DMD: variants seen among roughly 807,000 people sequenced by gnomAD.
DMD encodes dystrophin.
DMD carries 63 observed loss-of-function variants against 330.1 expected under a neutral mutation model. That is an observed-to-expected ratio of 0.19 (90% confidence interval 0.16 to 0.24). The LOEUF (loss-of-function observed/expected upper bound fraction) is 0.24. Ranked by LOEUF, DMD falls within the 10% of genes least tolerant of loss-of-function variation. The pLI is 1.00. For missense variants in DMD, 3,344 were observed against 2,684.1 expected, an observed-to-expected ratio of 1.25 and a Z score of -5.43; for synonymous variants, 1,223 against 959.8, an observed-to-expected ratio of 1.27 and a Z score of -5.07.
At chrX:32,947,489 T>G (rs760019289) in intron 2 of DMD, among the ~76,000 whole-genome samples, 3 of 111,720 alleles carry the variant, frequency 2.7e-5, no homozygotes, top group Non-Finnish European at 5.6e-5. Flanking sequence ...TTTTTAAAAA[T>G]GAAAATAGTT....
At chrX:32,737,433 C>G (rs1031911733) in intron 7 of DMD, among the ~76,000 whole-genome samples, 1 of 110,457 alleles carries the variant, frequency 9.1e-6, no homozygotes. Flanking sequence ...TGCTGGTAGA[C>G]CACAGCCAGT....
chrX:33,101,586 G>A (rs1028029459), intron 1 of DMD, among the ~76,000 whole-genome samples: 2 of 111,123 alleles, frequency 1.8e-5, no homozygotes, highest in African/African-American at 3.3e-5. Flanking sequence ...GGCAGAGATC[G>A]TGCCACTGCA....
chrX:32,609,914 T>G (rs1030669583), intron 12 of DMD, among the ~76,000 whole-genome samples: 2 of 111,166 alleles, frequency 1.8e-5, no homozygotes, highest in Non-Finnish European at 3.8e-5. Context: ...GCTAGTAAAC[T>G]CAGCTTTAAA....
intron 2 of DMD, among the ~76,000 whole-genome samples, chrX:32,914,156 A>G (rs978640198): frequency 4.5e-5 from 5 of 111,942 alleles, no homozygotes; most frequent in Non-Finnish European, 9.4e-5. Flanking sequence ...ATCAAGCATC[A>G]TTATCAAAAT....
intron 49 of DMD, among the ~76,000 whole-genome samples, chrX:31,829,655 T>C (rs185495006): frequency 1.6e-4 from 18 of 111,912 alleles, no homozygotes; most frequent in Admixed American, 1.4e-3. Context: ...AATACAATCA[T>C]AAAAAATCAT....
intron 7 of DMD, among the ~76,000 whole-genome samples, chrX:32,777,277 T>TGGCGGGGGG (rs1557019894): frequency 4.7e-4 from 1 of 2,113 alleles, no homozygotes; most frequent in African/African-American, 3.1e-3. Context: ...GGTTTCTGGT[T>TGGCGGGGGG]GGGGGGGGAA....
chrX:32,601,608 G>T (rs919695303), intron 12 of DMD, among the ~76,000 whole-genome samples: 1 of 108,488 alleles, frequency 9.2e-6, no homozygotes, highest in African/African-American at 3.3e-5. Context: ...GAAATAGATT[G>T]ACCAAAACTT....
At chrX:32,865,995 G>C (rs1010348298) in intron 2 of DMD, among the ~76,000 whole-genome samples, 3 of 112,431 alleles carry the variant, frequency 2.7e-5, no homozygotes, top group African/African-American at 9.7e-5. Flanking sequence ...TTGACCAACA[G>C]AGTGCAATTG....
chrX:32,684,121 A>T (rs1266399382), intron 9 of DMD, among the ~76,000 whole-genome samples: 1 of 110,095 alleles, frequency 9.1e-6, no homozygotes, highest in Non-Finnish European at 1.9e-5. Flanking sequence ...AGGCACAGAG[A>T]TAAAGTGCTG....
intron 74 of DMD, among the ~76,000 whole-genome samples, chrX:31,168,770 C>A (rs909414502): frequency 8.9e-6 from 1 of 112,066 alleles, no homozygotes; most frequent in Non-Finnish European, 1.9e-5. Flanking sequence ...AAATGTAATA[C>A]AGAACTGAAA....
intron 13 of DMD, among the ~76,000 whole-genome samples, chrX:32,585,212 G>T (rs1422655417): frequency 9.0e-6 from 1 of 111,065 alleles, no homozygotes; most frequent in African/African-American, 3.3e-5. Context: ...ATGAAGAGAG[G>T]TTGTTTAATG....
At chrX:32,324,032 G>A (rs188301252) in intron 41 of DMD, among the ~76,000 whole-genome samples, 1 of 110,595 alleles carries the variant, frequency 9.0e-6, no homozygotes, top group East Asian at 2.9e-4. Context: ...ATTGGTTACT[G>A]GGTACGGACA....
rs150704539 is a variant in DMD at position 31,988,144 on chromosome X, T to A, written c.6439-19630A>T. On this transcript the variant is annotated intron_variant, in intron 44 of 78. Coordinates refer to ENST00000357033, the MANE Select transcript of DMD (RefSeq NM_004006.3). ...TAGCTTGAGTAGAATGGCAACAAGG[T>A]TTGCACAAATATTTAAAAAGTGACT... Among the ~76,000 whole-genome samples the A allele has an allele frequency of 1.4e-4, 15 of 110,298 alleles. No homozygotes were observed. In the East Asian group the frequency reaches 3.7e-3, roughly 27 times the overall value.
intron 52 of DMD, among the ~76,000 whole-genome samples, chrX:31,687,718 C>T (rs1165221557): frequency 1.8e-5 from 2 of 111,955 alleles, no homozygotes; most frequent in Admixed American, 9.4e-5. Context: ...TGGATATGCC[C>T]GGGGCCTAAG....
intron 49 of DMD, among the ~76,000 whole-genome samples, chrX:31,834,824 A>G (rs68074615): frequency 0.14 from 15,387 of 109,990 alleles, 886 homozygotes; most frequent in African/African-American, 0.17. Flanking sequence ...GCTTCTCCCA[A>G]TGTGTCAAAT....
chrX:32,063,396 G>T (rs557091932), intron 44 of DMD, among the ~76,000 whole-genome samples: 1 of 111,292 alleles, frequency 9.0e-6, no homozygotes, highest in Middle Eastern at 4.6e-3. Flanking sequence ...TACAGTTGAA[G>T]TCTTTCTATA....
At chrX:31,690,515 T>C (rs1310406184) in intron 52 of DMD, among the ~76,000 whole-genome samples, 2 of 112,151 alleles carry the variant, frequency 1.8e-5, no homozygotes, top group African/African-American at 3.2e-5. Context: ...TTTACACTGT[T>C]AGTGAGACTG....
intron 55 of DMD, among the ~76,000 whole-genome samples, chrX:31,626,668 A>G (rs183241957): frequency 3.7e-4 from 41 of 111,782 alleles, no homozygotes; most frequent in African/African-American, 1.2e-3. Flanking sequence ...CTATCATATC[A>G]AAAAAGAAAA....
intron 47 of DMD, among the ~76,000 whole-genome samples, chrX:31,923,885 C>T (rs2149951689): frequency 8.9e-6 from 1 of 111,847 alleles, no homozygotes; most frequent in South Asian, 3.7e-4. Flanking sequence ...CGTGAGCCAC[C>T]ACACCCGGCC....
Sources: gnomAD v4.1 joint callset for allele counts (sites outside exome capture counted in the v4.1 genomes callset) on GRCh38, gnomAD v4.1.1 for gene constraint, MANE v1.5 for transcripts, NCBI Gene and HGNC (gene_info 2026-07-23, HGNC 2026-07-21) for gene names.